Variants in DCAF8L2 observed in about 807,000 individuals in gnomAD.
The protein encoded by DCAF8L2 is DDB1 and CUL4 associated factor 8 like 2, also known as DDB1- and CUL4-associated factor 8-like protein 2.
For missense variants in DCAF8L2, 430 were observed against 490.7 expected (o/e 0.88, Z 1.17); for synonymous variants, 200 against 190.9 (o/e 1.05, Z -0.39).
At chrX:27,547,891 T>TCTCTTTCTCTCTCTC in the DCAF8L2 span, among the ~76,000 whole-genome samples, 1 of 57,194 alleles carries the variant, frequency 1.7e-5, no homozygotes. Flanking sequence ...CTCTCTCTCT[T>TCTCTTTCTCTCTCTC]TCTCTCTCTC....
rs142081619 is a variant in DCAF8L2, at chrX:27,664,366, C to T, written c.-219-13470C>T. 6.8e-4 allele frequency among the ~76,000 whole-genome samples: 76 copies of T among 111,809 alleles called. 2 individuals carry two copies. Among genetic ancestry groups the T allele is most frequent in the South Asian group, 1.1e-3 (3 of 2,667 alleles). ...AGCCTAATACAGACCAAGGCTTTAACGCTCTTCAATTCTGTGAAGGTTGAG... is the reference window on the plus strand; with the variant it reads ...AGCCTAATACAGACCAAGGCTTTAATGCTCTTCAATTCTGTGAAGGTTGAG... On this transcript the variant is annotated intron_variant, in intron 2 of 4. Transcript: ENST00000451261.
At chrX:27,512,043 T>G in the DCAF8L2 span, among the ~76,000 whole-genome samples, 6 of 111,519 alleles carry the variant, frequency 5.4e-5, no homozygotes, top group African/African-American at 1.6e-4. Context: ...GGTGGAGGAT[T>G]GCTTGAGTCC....
At chrX:27,650,157 T>C (rs1394893768) in intron 2 of DCAF8L2, among the ~76,000 whole-genome samples, 2 of 111,635 alleles carry the variant, frequency 1.8e-5, no homozygotes, top group African/African-American at 6.5e-5. Context: ...GGTCTATGTG[T>C]CTGTTTTTGT....
At chrX:27,533,840 A>AT in the DCAF8L2 span, among the ~76,000 whole-genome samples, 3 of 112,418 alleles carry the variant, frequency 2.7e-5, no homozygotes, top group Non-Finnish European at 5.6e-5. Flanking sequence ...ACTGAATTTT[A>AT]TTTTTTATAA....
chrX:27,480,358 C>A, the DCAF8L2 span, among the ~76,000 whole-genome samples: 1 of 112,281 alleles, frequency 8.9e-6, no homozygotes, highest in African/African-American at 3.2e-5. Context: ...AATCCATTCT[C>A]TCTCCTTCCT....
At chrX:27,666,023 T>A (rs1009692665) in intron 2 of DCAF8L2, among the ~76,000 whole-genome samples, 2 of 111,733 alleles carry the variant, frequency 1.8e-5, no homozygotes, top group African/African-American at 6.5e-5. Flanking sequence ...GTATATGTAC[T>A]ATTAAGAAAT....
the DCAF8L2 span, chrX:27,518,926 A>T: frequency 1.8e-6 from 1 of 568,195 alleles, no homozygotes; most frequent in Non-Finnish European, 3.1e-6. Flanking sequence ...AATTGCTATA[A>T]AGCCAATAGA....
the DCAF8L2 span, among the ~76,000 whole-genome samples, chrX:27,498,312 A>G: frequency 5.4e-5 from 6 of 111,914 alleles, no homozygotes; most frequent in Admixed American, 9.5e-5. Flanking sequence ...GAGGCTTCCA[A>G]TTTCTCCACA....
At chrX:27,523,516 A>G in the DCAF8L2 span, among the ~76,000 whole-genome samples, 3 of 109,573 alleles carry the variant, frequency 2.7e-5, no homozygotes, top group East Asian at 5.7e-4. Context: ...TCAATTTTGT[A>G]TGATAAACAT....
chrX:27,678,163 G>T (rs6653779), intron 3 of DCAF8L2, among the ~76,000 whole-genome samples: 62 of 111,918 alleles, frequency 5.5e-4, no homozygotes, highest in African/African-American at 1.8e-3. Context: ...ACTAATGAAA[G>T]ACTATGTTTT....
intron 1 of DCAF8L2, among the ~76,000 whole-genome samples, chrX:27,622,599 A>G (rs1184337594): frequency 2.7e-5 from 3 of 111,232 alleles, no homozygotes; most frequent in Non-Finnish European, 5.6e-5. Context: ...AATTAGTGCT[A>G]CGTTCATATT....
At chrX:27,707,326 GT>G (rs1262636088) in intron 3 of DCAF8L2, among the ~76,000 whole-genome samples, 1 of 111,731 alleles carries the variant, frequency 9.0e-6, no homozygotes, top group African/African-American at 3.3e-5. Flanking sequence ...GCATATTGTA[GT>G]TTTTAGGGAT....
chrX:27,621,116 C>T (rs1011217525), intron 1 of DCAF8L2, among the ~76,000 whole-genome samples: 2 of 111,762 alleles, frequency 1.8e-5, no homozygotes, highest in African/African-American at 6.5e-5. Flanking sequence ...TTAAAGTAAT[C>T]ACAGTCATAG....
chrX:27,480,727 T>C, the DCAF8L2 span, among the ~76,000 whole-genome samples: 1 of 111,780 alleles, frequency 8.9e-6, no homozygotes, highest in Non-Finnish European at 1.9e-5. Context: ...TCATCTTCTA[T>C]TTATTCTTTC....
intron 4 of DCAF8L2, among the ~76,000 whole-genome samples, chrX:27,735,246 T>A (rs143465389): frequency 0.026 from 2,870 of 111,704 alleles, 25 homozygotes; most frequent in Middle Eastern, 0.042. Context: ...TAGATTGGAA[T>A]CAAAATATAA....
intron 2 of DCAF8L2, among the ~76,000 whole-genome samples, chrX:27,670,173 TTTTTG>T (rs1305592030): frequency 2.6e-5 from 2 of 77,578 alleles, no homozygotes; most frequent in Non-Finnish European, 5.4e-5. Context: ...TTTGGTTTTA[TTTTTG>T]TTTGTTTGTT....
chrX:27,747,344 G>C lies in DCAF8L2; in HGVS notation c.449G>C (p.Arg150Pro), dbSNP rs183895573. Reference sequence around the variant, plus strand: ...GAGGAGGAGGAAGAAGAACAGCCTCGGGCGGGTCCACAAGGCAGTGGCGGC... The same window carrying C: ...GAGGAGGAGGAAGAAGAACAGCCTCCGGCGGGTCCACAAGGCAGTGGCGGC... ...EEEEEEEEQP[R>P]AGPQGSGGNH... Residue 150 changes from arginine to proline, a missense_variant, in exon 5 of 5, where the codon CGG becomes CCG. By Grantham distance (103) the Arg-to-Pro change is moderately radical. Coordinates refer to ENST00000451261, the MANE Select transcript of DCAF8L2 (RefSeq NM_001353450.2). 7.8e-5 allele frequency: 90 copies of C among 1,155,602 alleles called. No homozygotes were observed. Among genetic ancestry groups the C allele is most frequent in the African/African-American group, 5.8e-5 (3 of 51,867 alleles).
chrX:27,503,729 T>G, the DCAF8L2 span, among the ~76,000 whole-genome samples: 2 of 111,395 alleles, frequency 1.8e-5, no homozygotes, highest in Non-Finnish European at 3.8e-5. Flanking sequence ...CTAAGCTACT[T>G]CTTTTCTCAG....
At chrX:27,645,003 G>A (rs768880641) in intron 2 of DCAF8L2, among the ~76,000 whole-genome samples, 186 of 111,894 alleles carry the variant, frequency 1.7e-3, no homozygotes, top group African/African-American at 5.5e-3. Flanking sequence ...TGATCTGCCC[G>A]CCTCAGCCTC....
Sources: gnomAD v4.1 joint callset for allele counts (sites outside exome capture counted in the v4.1 genomes callset) on GRCh38, gnomAD v4.1.1 for gene constraint, MANE v1.5 for transcripts, NCBI Gene and HGNC (gene_info 2026-07-23, HGNC 2026-07-21) for gene names.